The following SDCCAG8 variants were observed in gnomAD, a reference collection of about 807,000 sequenced individuals.
SDCCAG8 encodes serologically defined colon cancer antigen 8.
Under a neutral mutation model 101.8 loss-of-function variants are expected in SDCCAG8, and 74 were observed. The observed-to-expected ratio is 0.73, with a 90% CI of 0.60 to 0.88. The LOEUF (loss-of-function observed/expected upper bound fraction) is 0.88, where lower values mean the gene tolerates loss of function less well. Among genes scored for constraint, SDCCAG8 ranks in the 40% least tolerant of loss-of-function variants. The pLI is 0.00. For missense variants in SDCCAG8, 787 were observed against 822.6 expected (o/e 0.96, Z 0.53); for synonymous variants, 281 against 292.9 (o/e 0.96, Z 0.41).
chr1:243,429,265 AT>A (rs1168189876), intron 16 of SDCCAG8, among the ~76,000 whole-genome samples: 1 of 152,134 alleles, frequency 6.6e-6, no homozygotes, highest in African/African-American at 2.4e-5. Context: ...TTTTCTTAAT[AT>A]TTTTTCTAGC....
At chr1:243,261,636 C>T (rs963625180) in intron 1 of SDCCAG8, among the ~76,000 whole-genome samples, 4 of 152,146 alleles carry the variant, frequency 2.6e-5, no homozygotes, top group Admixed American at 2.6e-4. Context: ...ATCTGGCTGT[C>T]TTAAGAAAAC....
At chr1:243,398,900 C>A (rs2079192433) in intron 13 of SDCCAG8, among the ~76,000 whole-genome samples, 1 of 152,196 alleles carries the variant, frequency 6.6e-6, no homozygotes, top group African/African-American at 2.4e-5. Flanking sequence ...AAGTTGATTG[C>A]TGCTAAGCAG....
chr1:243,317,623 A>G (rs1328661777), intron 9 of SDCCAG8, among the ~76,000 whole-genome samples: 1 of 152,178 alleles, frequency 6.6e-6, no homozygotes, highest in African/African-American at 2.4e-5. Flanking sequence ...GCCCGGTCTT[A>G]GTAGCATCTT....
chr1:243,278,896 C>T (rs1274946318), intron 4 of SDCCAG8, among the ~76,000 whole-genome samples: 1 of 152,112 alleles, frequency 6.6e-6, no homozygotes, highest in African/African-American at 2.4e-5. Context: ...GATCCTCCTA[C>T]CACAGCCTCC....
intron 10 of SDCCAG8, among the ~76,000 whole-genome samples, chr1:243,336,720 C>G (rs796800343): frequency 6.6e-6 from 1 of 152,076 alleles, no homozygotes; most frequent in East Asian, 1.9e-4. Context: ...GAGAGTTGGG[C>G]GGGGGCAGAA....
At chr1:243,310,918 A>G (rs908543081) in intron 8 of SDCCAG8, among the ~76,000 whole-genome samples, 3 of 152,224 alleles carry the variant, frequency 2.0e-5, no homozygotes, top group Middle Eastern at 3.2e-3. Context: ...AGACTGACAA[A>G]ATAGAACAAG....
At chr1:243,465,860 A>G (rs904940967) in intron 16 of SDCCAG8, among the ~76,000 whole-genome samples, 2 of 152,052 alleles carry the variant, frequency 1.3e-5, no homozygotes, top group African/African-American at 4.8e-5. Context: ...AACTGTGTCC[A>G]GCGTATTGTT....
chr1:243,339,491 G>C (rs1396844268), intron 10 of SDCCAG8, among the ~76,000 whole-genome samples: 1 of 151,950 alleles, frequency 6.6e-6, no homozygotes, highest in Admixed American at 6.6e-5. Context: ...GTTTTATATT[G>C]TAATGTGCCC....
chr1:243,330,565 G>A lies in SDCCAG8; in HGVS notation c.1094G>A (p.Arg365Lys), dbSNP rs115098969. Residue 365 changes from arginine to lysine, a missense_variant, in exon 10 of 18, where the codon AGG becomes AAG. Physicochemically the swap from Arg to Lys is conservative, Grantham distance 26 (BLOSUM62 2). Coordinates refer to ENST00000366541, the MANE Select transcript of SDCCAG8 (RefSeq NM_006642.5). Reference sequence around the variant, plus strand: ...GCTTTAATCCAGTGTGACCAGTTGAGGAAGGAGCTGGAGAGGCAGGCGGAG... The same window carrying A: ...GCTTTAATCCAGTGTGACCAGTTGAAGAAGGAGCTGGAGAGGCAGGCGGAG... The part of the protein sequence containing the change: ...TKALIQCDQL[R>K]KELERQAERL... 3.5e-4 allele frequency: 561 copies of A among 1,614,050 alleles called. 4 individuals are homozygous for A. The African/African-American group carries it at 6.7e-3, about 19-fold the overall frequency.
At chr1:243,324,459 C>T (rs77902215) in intron 9 of SDCCAG8, among the ~76,000 whole-genome samples, 5 of 87,006 alleles carry the variant, frequency 5.7e-5, no homozygotes, top group African/African-American at 9.3e-5. Flanking sequence ...TCTTCACATG[C>T]TTTTTTTTTT....
Position 243,378,638 on chromosome 1 carries a change from T to TG in SDCCAG8, c.1474-81dup, listed in dbSNP as rs2147904781. On this transcript the variant is annotated intron_variant, in intron 12 of 17. Transcript: ENST00000366541. ...TAATTTTTTATCAAATTGAAATTCA[T>TG]GGCAAAAAATAAAAATGAGCTAATT... 7 of 1,454,512 alleles carry TG rather than the reference T, an allele frequency of 4.8e-6. No individual in the cohort carries two copies. In the South Asian group the frequency reaches 8.4e-5, roughly 18 times the overall value. The allele number at this position is 1,454,512 out of a possible 1,614,324, so 90.1% of individuals were successfully genotyped here.
At chr1:243,484,283 T>C (rs1029049257) in intron 16 of SDCCAG8, among the ~76,000 whole-genome samples, 1 of 152,214 alleles carries the variant, frequency 6.6e-6, no homozygotes, top group East Asian at 1.9e-4. Flanking sequence ...CAGCTTGCAG[T>C]TTCCAGACAC....
chr1:243,391,044 C>G (rs1226206747), intron 13 of SDCCAG8, among the ~76,000 whole-genome samples: 1 of 152,176 alleles, frequency 6.6e-6, no homozygotes, highest in Non-Finnish European at 1.5e-5. Context: ...AGCGGAACTC[C>G]CTCCTGAGCC....
chr1:243,354,035 A>C (rs1174131049), intron 12 of SDCCAG8, among the ~76,000 whole-genome samples: 1 of 152,232 alleles, frequency 6.6e-6, no homozygotes, highest in South Asian at 2.1e-4. Context: ...AACACAGATC[A>C]TACAGGGTAC....
At chr1:243,496,276 G>C (rs1667841018) in intron 17 of SDCCAG8, among the ~76,000 whole-genome samples, 1 of 152,226 alleles carries the variant, frequency 6.6e-6, no homozygotes, top group Non-Finnish European at 1.5e-5. Flanking sequence ...GGTGCGGGCG[G>C]AGCCGGGCCT....
chr1:243,300,597 C>T (rs1558258255), intron 6 of SDCCAG8, among the ~76,000 whole-genome samples: 3 of 152,154 alleles, frequency 2.0e-5, no homozygotes, highest in Admixed American at 6.5e-5. Flanking sequence ...TGCCCATCTC[C>T]AATCACCTCT....
At chr1:243,327,519 ATTATAAT>A (rs1288986427) in intron 9 of SDCCAG8, among the ~76,000 whole-genome samples, 1 of 150,566 alleles carries the variant, frequency 6.6e-6, no homozygotes, top group East Asian at 1.9e-4. Context: ...AGAAATTAAA[ATTATAAT>A]TTATAATTTT....
At chr1:243,343,916 C>T (rs1316773892) in intron 11 of SDCCAG8, among the ~76,000 whole-genome samples, 1 of 152,146 alleles carries the variant, frequency 6.6e-6, no homozygotes, top group East Asian at 1.9e-4. Context: ...GATGATAGTG[C>T]ATTTTGGTTG....
intron 10 of SDCCAG8, among the ~76,000 whole-genome samples, chr1:243,340,740 T>A (rs1218978145): frequency 2.6e-5 from 4 of 152,252 alleles, no homozygotes; most frequent in Admixed American, 2.0e-4. Flanking sequence ...GTTTCATAAC[T>A]TAATTGGGTG....
Sources: gnomAD v4.1 joint callset for allele counts (sites outside exome capture counted in the v4.1 genomes callset) on GRCh38, gnomAD v4.1.1 for gene constraint, MANE v1.5 for transcripts, NCBI Gene and HGNC (gene_info 2026-07-23, HGNC 2026-07-21) for gene names.